The following TRIM66 variants were observed in gnomAD, a reference collection of about 807,000 sequenced individuals.
TRIM66 encodes tripartite motif-containing protein 66.
In TRIM66, 99 loss-of-function variants were observed where a neutral mutation model predicts 148.2. That is an observed-to-expected ratio of 0.67 (90% CI 0.57 to 0.79). The LOEUF is 0.79. Ranked by LOEUF, TRIM66 falls within the 30% of genes least tolerant of loss-of-function variation. The pLI is 0.00. For synonymous variants in TRIM66, 616 were observed against 635.9 expected (o/e 0.97, Z 0.47); for missense variants, 1,666 against 1,697.9 (o/e 0.98, Z 0.33).
At chr11:8,642,030 T>C (rs879603077) in intron 13 of TRIM66, among the ~76,000 whole-genome samples, 2 of 152,164 alleles carry the variant, frequency 1.3e-5, no homozygotes, top group Non-Finnish European at 2.9e-5. Flanking sequence ...TCTCAGGTAT[T>C]TCTTCACAAT....
At chr11:8,670,695 T>C (rs1176398514) in intron 6 of TRIM66, among the ~76,000 whole-genome samples, 1 of 152,208 alleles carries the variant, frequency 6.6e-6, no homozygotes, top group Non-Finnish European at 1.5e-5. Context: ...ATGCCACTTA[T>C]AAAGACAGTA....
At chr11:8,662,722 GA>G (rs2038343734) in intron 6 of TRIM66, among the ~76,000 whole-genome samples, 1 of 152,140 alleles carries the variant, frequency 6.6e-6, no homozygotes, top group Non-Finnish European at 1.5e-5. Flanking sequence ...TTCCAGCCAT[GA>G]TTTGTCTTTT....
At chr11:8,638,311 C>T (rs1189542162) in intron 15 of TRIM66, among the ~76,000 whole-genome samples, 1 of 152,226 alleles carries the variant, frequency 6.6e-6, no homozygotes. Context: ...ATGCTCACTT[C>T]CACAAATGTT....
intron 4 of TRIM66, among the ~76,000 whole-genome samples, chr11:8,672,792 C>T (rs532638233): frequency 1.3e-5 from 2 of 151,912 alleles, no homozygotes; most frequent in South Asian, 2.1e-4. Flanking sequence ...CCACCACATG[C>T]GGCTAATTTT....
chr11:8,630,835 C>T (rs1038835686), intron 15 of TRIM66, among the ~76,000 whole-genome samples: 4 of 152,200 alleles, frequency 2.6e-5, no homozygotes, highest in African/African-American at 9.7e-5. Context: ...TACCATCTAA[C>T]TTGACAACTT....
At chr11:8,641,880 G>C (rs886418389) in intron 13 of TRIM66, among the ~76,000 whole-genome samples, 1 of 152,130 alleles carries the variant, frequency 6.6e-6, no homozygotes, top group Admixed American at 6.5e-5. Context: ...CTGTCCATGT[G>C]ATGTGCGTCT....
chr11:8,683,156 C>T (rs778843586), upstream of TRIM66: 1 of 1,574,666 alleles, frequency 6.4e-7, no homozygotes. Context: ...GCATCGCCCC[C>T]TGCCCCTAAT....
At chr11:8,641,859 T>A (rs2036422561) in intron 13 of TRIM66, among the ~76,000 whole-genome samples, 1 of 152,150 alleles carries the variant, frequency 6.6e-6, no homozygotes, top group African/African-American at 2.4e-5. Context: ...CTTGCTCTGT[T>A]TCTTGCTGCT....
chr11:8,625,211 G>A lies in TRIM66; in HGVS notation c.2328C>T (p.Ser776=). Residue 776 remains serine (S), a synonymous_variant, in exon 16 of 25, where the codon AGC becomes AGT. Coordinates refer to ENST00000646038, the MANE Select transcript of TRIM66 (RefSeq NM_001388022.1). ...CCAGAGTGTTGGAAAAGCCCATGAT[G>A]CTCAGCGAGGTGGAGTGCTGCAGGA... ...NVVRKHSTSL[S]IMGFSNTLEM... is the part of the protein sequence containing the mutation. The A allele has an allele frequency of 6.6e-7, 1 of 1,507,888 alleles. No individual in the cohort carries two copies. The highest frequency in any genetic ancestry group is 8.9e-7 in the Non-Finnish European group (1 of 1,122,570). The allele number at this position is 1,507,888 out of a possible 1,614,324, so 93.4% of individuals were successfully genotyped here.
intron 4 of TRIM66, among the ~76,000 whole-genome samples, chr11:8,672,763 C>A (rs2038999808): frequency 6.6e-6 from 1 of 151,696 alleles, no homozygotes; most frequent in East Asian, 1.9e-4. Flanking sequence ...TCACAGGTAA[C>A]TGGGATGACA....
Position 8,672,316 on chromosome 11 carries a change from T to A in TRIM66, c.-42A>T. 3 of 1,536,084 alleles carry A rather than the reference T, an allele frequency of 2.0e-6. No homozygotes were observed. The highest frequency in any genetic ancestry group is 2.6e-6 in the Non-Finnish European group (3 of 1,146,872). On this transcript the variant is annotated 5_prime_UTR_variant, in exon 5 of 25. Coordinates refer to ENST00000646038, the MANE Select transcript of TRIM66 (RefSeq NM_001388022.1). ...AAAGCGTGGAGGTGTCTGCTGTTTG[T>A]CTGAAGGCGAACAAACCCTTCAAAA...
intron 6 of TRIM66, chr11:8,658,660 ACAGCCAGAGCT>A (rs1203234718): frequency 1.8e-6 from 1 of 560,770 alleles, no homozygotes; most frequent in East Asian, 1.5e-4. Flanking sequence ...CGGTGCCTGC[ACAGCCAGAGCT>A]CAAGTTGACA....
rs536652139 is a variant in TRIM66 at position 8,646,660 on chromosome 11, T to G, written c.843-99A>C. On this transcript the variant is annotated intron_variant, in intron 10 of 24. Coordinates refer to ENST00000646038, the MANE Select transcript of TRIM66 (RefSeq NM_001388022.1). ...AAGAACCAACTTGGAGGCTGCCTAC[T>G]GAGATCAGGGCCTAGCAGACACCAA... 13 of 893,250 alleles carry G rather than the reference T, an allele frequency of 1.5e-5. No homozygotes were observed. In the East Asian group the frequency reaches 3.2e-4, roughly 22 times the overall value. The allele number at this position is 893,250 out of a possible 1,614,324, so 55.3% of individuals were successfully genotyped here. A position where few individuals can be genotyped will look rare whatever the true frequency, so the allele number is the denominator to read the frequency against.
At chr11:8,652,516 A>G (rs1005561171) in intron 6 of TRIM66, among the ~76,000 whole-genome samples, 5 of 152,170 alleles carry the variant, frequency 3.3e-5, no homozygotes, top group African/African-American at 1.2e-4. Context: ...AGTTAGATGC[A>G]TCATATATAT....
chr11:8,645,970 T>C, intron 11 of TRIM66, 83 bp from the exon 12 acceptor site: 1 of 1,358,532 alleles, frequency 7.4e-7, no homozygotes, highest in South Asian at 1.3e-5. Context: ...GGCTTGTGTG[T>C]GTCACTGATG....
intron 19 of TRIM66, 70 bp downstream of exon 19, chr11:8,621,575 G>A (rs1011041564): frequency 2.8e-5 from 40 of 1,450,452 alleles, no homozygotes; most frequent in South Asian, 4.4e-5. Flanking sequence ...GTCAGAATTC[G>A]GGCAGTAGCA....
At chr11:8,678,284 A>G (rs1195968622) in intron 3 of TRIM66, 1 of 152,252 alleles carries the variant, frequency 6.6e-6, no homozygotes, top group Non-Finnish European at 1.5e-5. Context: ...AATACACAAG[A>G]AAGTGGCTTA....
chr11:8,624,721 G>C lies in TRIM66; in HGVS notation c.2818C>G (p.Leu940Val). ...ATTTCCCCAGGACTTACCTTACACAGAGCATTCTCCAGGGAGGGATCAGCC... is the reference window on the plus strand; with the variant it reads ...ATTTCCCCAGGACTTACCTTACACACAGCATTCTCCAGGGAGGGATCAGCC... ...DGADPSLENA[L>V]CKMESEDSTR... The change falls in exon 16 of 25, where the codon CTG becomes GTG. Residue 940 changes from leucine (L) to valine (V), a missense_variant. Physicochemically the swap from Leu to Val is conservative, Grantham distance 32. Coordinates refer to ENST00000646038, the MANE Select transcript of TRIM66 (RefSeq NM_001388022.1). 6.6e-7 allele frequency: 1 copy of C among 1,521,034 alleles called. No homozygotes were observed. The highest frequency in any genetic ancestry group is 8.9e-7 in the Non-Finnish European group (1 of 1,129,846). 94.2% of individuals were successfully genotyped at this position (1,521,034 alleles called of 1,614,324 possible).
At chr11:8,672,690 A>C (rs1346981597) in intron 4 of TRIM66, among the ~76,000 whole-genome samples, 1 of 143,992 alleles carries the variant, frequency 6.9e-6, no homozygotes. Flanking sequence ...GCACAATCAC[A>C]GCTCACTGCA....
Sources: allele counts gnomAD v4.1 joint callset (sites outside exome capture counted in the v4.1 genomes callset), GRCh38; gene constraint gnomAD v4.1.1; transcripts MANE v1.5; gene names NCBI Gene and HGNC (gene_info 2026-07-23, HGNC 2026-07-21).